Variants in F7 observed in about 807,000 individuals in gnomAD.
The protein encoded by F7 is FVII coagulation protein.
F7 carries 38 observed loss-of-function variants against 47.5 expected under a neutral mutation model. The ratio of observed to expected loss-of-function variants is 0.80; its 90% confidence interval spans 0.62 to 1.05. The LOEUF (loss-of-function observed/expected upper bound fraction) is 1.05. Ranked by LOEUF, F7 falls within the 50% of genes least tolerant of loss-of-function variation. The pLI, the probability that F7 is intolerant of heterozygous loss-of-function variation, is 0.00. For missense variants in F7, 575 were observed against 605.4 expected (o/e 0.95, Z 0.53); for synonymous variants, 244 against 258.5 (o/e 0.94, Z 0.54).
chr13:113,110,554 GC>G lies in F7; in HGVS notation c.65-133del, dbSNP rs981120046. On this transcript the variant is annotated intron_variant, in intron 1 of 7. Transcript: ENST00000346342. ...CACGGCAGGGAGGACACCCAGCCAGGCCCGCGAGCAGCGCCGCTCCCCTCCT... is the reference window on the plus strand; with the variant it reads ...CACGGCAGGGAGGACACCCAGCCAGGCCGCGAGCAGCGCCGCTCCCCTCCT... The G allele has an allele frequency of 2.4e-6, 3 of 1,231,862 alleles. No homozygotes were observed. The Admixed American group carries it at 6.4e-5, about 26-fold the overall frequency. The allele number at this position is 1,231,862 out of a possible 1,614,324, so 76.3% of individuals were successfully genotyped here.
intron 2 of F7, among the ~76,000 whole-genome samples, chr13:113,112,282 A>C (rs1187491803): frequency 2.3e-5 from 3 of 132,088 alleles, no homozygotes; most frequent in African/African-American, 8.8e-5. Context: ...TTACAGGACA[A>C]CTCACACTCA....
At chr13:113,111,340 C>G (rs918596218) in intron 2 of F7, among the ~76,000 whole-genome samples, 2 of 151,960 alleles carry the variant, frequency 1.3e-5, no homozygotes, top group African/African-American at 4.8e-5. Context: ...TCACCTCACA[C>G]TCCAAGATCA....
chr13:113,118,933 G>C lies in F7; in HGVS notation c.1260G>C (p.Gln420His). 1.2e-6 allele frequency: 2 copies of C among 1,610,642 alleles called. No homozygotes were observed. Among genetic ancestry groups the C allele is most frequent in the Non-Finnish European group, 1.7e-6 (2 of 1,179,966 alleles). ...TTGGGGTGTACACCAGGGTCTCCCA[G>C]TACATCGAGTGGCTGCAAAAGCTCA... is the stretch of plus-strand genomic sequence containing the variant. ...GHFGVYTRVS[Q>H]YIEWLQKLMR... Residue 420 changes from glutamine (Q) to histidine (H), a missense_variant, in exon 8 of 8, where the codon CAG (glutamine) becomes CAC (histidine). By Grantham distance (24) the Gln-to-His change is conservative. Transcript: ENST00000346342.
intron 1 of F7, chr13:113,110,403 G>A (rs1667026210): frequency 2.6e-6 from 1 of 381,266 alleles, no homozygotes; most frequent in Non-Finnish European, 4.7e-6. Flanking sequence ...CGTTTACGCG[G>A]CGGCGCCCGC....
Position 113,115,761 on chromosome 13 carries a change from T to C in F7, c.466T>C (p.Tyr156His). ...GCGCTCCTGTCGGTGCCACGAGGGG[T>C]ACTCTCTGCTGGCAGACGGGGTGTC... The part of the protein sequence containing the change: ...TKRSCRCHEG[Y>H]SLLADGVSCT... The change falls in exon 5 of 8, where the codon TAC becomes CAC. Residue 156 changes from tyrosine (Y) to histidine (H), a missense_variant. By Grantham distance (83) the Tyr-to-His change is moderately conservative. Coordinates refer to ENST00000346342, the MANE Select transcript of F7 (RefSeq NM_019616.4). 6.2e-7 allele frequency: 1 copy of C among 1,613,040 alleles called. No individual in the cohort carries two copies. The highest frequency in any genetic ancestry group is 2.2e-5 in the East Asian group (1 of 44,870).
At chr13:113,106,912 T>A in intron 1 of F7, 2 of 1,601,688 alleles carry the variant, frequency 1.2e-6, no homozygotes, top group Non-Finnish European at 1.7e-6. Flanking sequence ...CTCACAGAGG[T>A]GAGCAGGGAC....
In F7 at chr13:113,113,019, ACACCTCCCTCTCACAGGT is replaced by A. The variant is rs550671643; in HGVS notation, c.226-727_226-710del. Among the ~76,000 whole-genome samples, 112 of 151,610 alleles carry A rather than the reference ACACCTCCCTCTCACAGGT, an allele frequency of 7.4e-4. No individual in the cohort carries two copies. The highest frequency in any genetic ancestry group is 2.5e-3 in the African/African-American group (103 of 41,164). The stretch of plus-strand genomic sequence containing the variant: ...ACACAGATCATCTCATTCTCACAGG[ACACCTCCCTCTCACAGGT>A]CACCTTACACTCATCTCACACTCAC... On this transcript the variant is annotated intron_variant, in intron 2 of 7. Transcript: ENST00000346342. This position sits in a 1 kb window ranked among gnomAD's most constrained non-coding sequence, Gnocchi z 4.1.
chr13:113,111,151 G>C, intron 2 of F7, among the ~76,000 whole-genome samples: 1 of 152,216 alleles, frequency 6.6e-6, no homozygotes, highest in Non-Finnish European at 1.5e-5. Context: ...TCCCAAGGGA[G>C]TCCCCCCAGT....
intron 6 of F7, 104 bp downstream of exon 6, chr13:113,116,979 C>G (rs758865660): frequency 1.1e-6 from 1 of 933,908 alleles, no homozygotes; most frequent in East Asian, 2.5e-5. Context: ...CAGCCCCAAG[C>G]CCACCAGGCT....
chr13:113,118,720 G>T lies in F7; in HGVS notation c.1047G>T (p.Leu349=). 5.6e-6 allele frequency: 9 copies of T among 1,613,100 alleles called. No homozygotes were observed. The highest frequency in any genetic ancestry group is 7.6e-6 in the Non-Finnish European group (9 of 1,179,956). The change falls in exon 8 of 8, where the codon CTG becomes CTT. Residue 349 remains leucine (L), a synonymous_variant. Coordinates refer to ENST00000346342, the MANE Select transcript of F7 (RefSeq NM_019616.4). ...CCCGGCTGATGACCCAGGACTGCCT[G>T]CAGCAGTCACGGAAGGTGGGAGACT... ...NVPRLMTQDC[L]QQSRKVGDSP...
Position 113,113,643 on chromosome 13 carries a change from C to G in F7, c.226-109C>G. 1 of 1,168,418 alleles carries G rather than the reference C, an allele frequency of 8.6e-7. No individual in the cohort carries two copies. The highest frequency in any genetic ancestry group is 1.2e-5 in the South Asian group (1 of 82,226). The allele number at this position is 1,168,418 out of a possible 1,614,324, so 72.4% of individuals were successfully genotyped here. On this transcript the variant is annotated intron_variant, in intron 2 of 7. Transcript: ENST00000346342. The surrounding 1 kb of genome is among the most constrained non-coding windows in gnomAD (Gnocchi z 4.1). The stretch of plus-strand genomic sequence containing the variant: ...GTCTGGCTTCCTGAGCCCACCCCGC[C>G]AGACCCAGGTCCAAGTCCCCCAACC...
chr13:113,111,379 C>T (rs1044228910), intron 2 of F7, among the ~76,000 whole-genome samples: 3 of 147,910 alleles, frequency 2.0e-5, no homozygotes, highest in South Asian at 4.3e-4. Context: ...ACACAGGGCA[C>T]ACTTCACACT....
chr13:113,120,449 C>A lies in F7; in HGVS notation c.*1441C>A. 1 of 153,164 alleles carries A rather than the reference C, an allele frequency of 6.5e-6. No individual in the cohort carries two copies. The highest frequency in any genetic ancestry group is 1.5e-5 in the Non-Finnish European group (1 of 68,568). 9.5% of individuals were successfully genotyped at this position (153,164 alleles called of 1,614,324 possible). On this transcript the variant is annotated 3_prime_UTR_variant, in exon 8 of 8. Transcript: ENST00000346342. ...GCCCCCACTCAGACTCCGGCAAGCACGGCTCAGAGAGTGGACTCGATGCCA... is the reference window on the plus strand; with the variant it reads ...GCCCCCACTCAGACTCCGGCAAGCAAGGCTCAGAGAGTGGACTCGATGCCA...
At chr13:113,114,637 A>G (rs1050883303) in intron 4 of F7, 5 of 156,722 alleles carry the variant, frequency 3.2e-5, no homozygotes, top group African/African-American at 1.2e-4. Context: ...CAGAGGTTTT[A>G]TCAGGGCTCA....
At chr13:113,118,292 C>G (rs927206266) in intron 7 of F7, 121 bp from the exon 8 acceptor site, 11 of 1,173,354 alleles carry the variant, frequency 9.4e-6, no homozygotes, top group Non-Finnish European at 1.3e-5. Context: ...TGCAGGTCCC[C>G]TTGCCCCAGA....
At chr13:113,115,837 A>T in intron 5 of F7, 37 bp downstream of exon 5, 1 of 1,612,492 alleles carries the variant, frequency 6.2e-7, no homozygotes, top group Non-Finnish European at 8.5e-7. Context: ...AGATGACACC[A>T]GTCCCTGTCC....
rs933350924 is a variant in F7, at chr13:113,113,588, A to G, written c.226-164A>G. Among the ~76,000 whole-genome samples the G allele has an allele frequency of 6.6e-6, 1 of 152,188 alleles. No homozygotes were observed. The highest frequency in any genetic ancestry group is 6.5e-5 in the Admixed American group (1 of 15,276). On this transcript the variant is annotated intron_variant, in intron 2 of 7. Coordinates refer to ENST00000346342, the MANE Select transcript of F7 (RefSeq NM_019616.4). This position sits in a 1 kb window ranked among gnomAD's most constrained non-coding sequence, Gnocchi z 4.1. ...GATGTCCTGGGGAGGGGCCAAGATT[A>G]GAAGAAACCTACCTCAGCTCCAGAG...
chr13:113,113,663 C>G lies in F7; in HGVS notation c.226-89C>G, dbSNP rs2036143770. The G allele has an allele frequency of 7.2e-7, 1 of 1,389,952 alleles. No homozygotes were observed. The highest frequency in any genetic ancestry group is 1.0e-6 in the Non-Finnish European group (1 of 977,400). The allele number at this position is 1,389,952 out of a possible 1,614,324, so 86.1% of individuals were successfully genotyped here. ...CCCGCCAGACCCAGGTCCAAGTCCC[C>G]CAACCCCAGTTCATGGTGTGTCCAG... On this transcript the variant is annotated intron_variant, in intron 2 of 7. Transcript: ENST00000346342. The surrounding 1 kb of genome is among the most constrained non-coding windows in gnomAD (Gnocchi z 4.1).
In F7 at chr13:113,119,277, G is replaced by A. The variant is rs941248192; in HGVS notation, c.*269G>A. Reference sequence around the variant, plus strand: ...AGAGATGGAATAGAAAAGATGAGAGGCAGAGGCAGACAGGCGCTGGACAGA... The same window carrying A: ...AGAGATGGAATAGAAAAGATGAGAGACAGAGGCAGACAGGCGCTGGACAGA... On this transcript the variant is annotated 3_prime_UTR_variant, in exon 8 of 8. Coordinates refer to ENST00000346342, the MANE Select transcript of F7 (RefSeq NM_019616.4). The A allele has an allele frequency of 2.0e-6, 1 of 507,640 alleles. No homozygotes were observed. The highest frequency in any genetic ancestry group is 1.9e-5 in the African/African-American group (1 of 51,834). 31.4% of individuals were successfully genotyped at this position (507,640 alleles called of 1,614,324 possible). A position where few individuals can be genotyped will look rare whatever the true frequency, so the allele number is the denominator to read the frequency against.
Sources: gnomAD v4.1 joint callset for allele counts (sites outside exome capture counted in the v4.1 genomes callset) on GRCh38, gnomAD v4.1.1 for gene constraint, Gnocchi (gnomAD v3.1) non-coding constraint, MANE v1.5 for transcripts, NCBI Gene and HGNC (gene_info 2026-07-23, HGNC 2026-07-21) for gene names.